MYPN: variants seen among roughly 807,000 people sequenced by gnomAD.
MYPN encodes myopalladin, also known as sarcomeric protein myopalladin, 145 kDa (MYOP).
Under a neutral mutation model 129.4 loss-of-function variants are expected in MYPN, and 63 were observed. The observed-to-expected ratio is 0.49, with a 90% CI of 0.40 to 0.60. MYPN has a LOEUF of 0.60. MYPN is among the 20% of genes least tolerant of loss of function. The pLI, the probability that MYPN is intolerant of heterozygous loss-of-function variation, is 0.00. For missense variants in MYPN, 1,596 were observed against 1,635.4 expected, an observed-to-expected ratio of 0.98 and a Z score of 0.42; for synonymous variants, 629 against 600.9, an observed-to-expected ratio of 1.05 and a Z score of -0.68.
At chr10:68,090,924 T>C (rs12777343) in intron 1 of MYPN, among the ~76,000 whole-genome samples, 1 of 152,116 alleles carries the variant, frequency 6.6e-6, no homozygotes, top group African/African-American at 2.4e-5. Context: ...ACGTAATATA[T>C]ATTTTTTCCC....
At chr10:68,115,363 C>G (rs1300811144) in intron 1 of MYPN, among the ~76,000 whole-genome samples, 2 of 152,050 alleles carry the variant, frequency 1.3e-5, no homozygotes, top group Non-Finnish European at 2.9e-5. Context: ...CCTGCCTCAT[C>G]CCAGCAAATG....
At chr10:68,147,603 C>A (rs2042689419) in intron 4 of MYPN, among the ~76,000 whole-genome samples, 1 of 152,204 alleles carries the variant, frequency 6.6e-6, no homozygotes, top group Admixed American at 6.5e-5. Context: ...AAGTTCTCTT[C>A]AAGTCCAGAG....
chr10:68,160,807 C>T (rs893500124), intron 7 of MYPN, among the ~76,000 whole-genome samples: 4 of 152,122 alleles, frequency 2.6e-5, no homozygotes, highest in African/African-American at 4.8e-5. Flanking sequence ...GTCCCAGCTA[C>T]GCAGGAGCCT....
intron 2 of MYPN, among the ~76,000 whole-genome samples, chr10:68,139,182 G>A (rs2042535041): frequency 6.6e-6 from 1 of 152,072 alleles, no homozygotes; most frequent in South Asian, 2.1e-4. Flanking sequence ...TGACCTAGTG[G>A]GGAGATCTAA....
chr10:68,097,160 T>C (rs1372166565), intron 1 of MYPN, among the ~76,000 whole-genome samples: 3 of 152,226 alleles, frequency 2.0e-5, no homozygotes, highest in Non-Finnish European at 4.4e-5. Flanking sequence ...TTTACCTCTA[T>C]GTTACCGGTG....
chr10:68,158,449 CT>C (rs1342788667), intron 6 of MYPN, 36 bp from the exon 7 acceptor site: 17 of 1,599,016 alleles, frequency 1.1e-5, no homozygotes, highest in Non-Finnish European at 1.4e-5. Flanking sequence ...AAAATGTGTA[CT>C]TTTTTGTTCT....
chr10:68,114,653 A>G (rs1484544513), intron 1 of MYPN, among the ~76,000 whole-genome samples: 1 of 151,734 alleles, frequency 6.6e-6, no homozygotes, highest in Non-Finnish European at 1.5e-5. Context: ...CCCACCATAA[A>G]CCTGACTCAA....
At chr10:68,169,668 C>T (rs944441288) in intron 10 of MYPN, among the ~76,000 whole-genome samples, 14 of 152,184 alleles carry the variant, frequency 9.2e-5, no homozygotes, top group African/African-American at 1.9e-4. Context: ...TGGTCCAAGA[C>T]GGCTGATGGT....
At chr10:68,202,172 C>T (rs2043727586) in intron 18 of MYPN, among the ~76,000 whole-genome samples, 178 bp downstream of exon 18, 1 of 152,186 alleles carries the variant, frequency 6.6e-6, no homozygotes, top group South Asian at 2.1e-4. Context: ...GTGGCTCATG[C>T]CTGTAATCCC....
At chr10:68,097,777 TAA>T (rs10588010) in intron 1 of MYPN, among the ~76,000 whole-genome samples, 39,413 of 149,402 alleles carry the variant, frequency 0.26, 6,963 homozygotes, top group East Asian at 0.64. Flanking sequence ...ATAGCTGATT[TAA>T]AAAAAAAAAA....
rs10823148 is a variant in MYPN, at chr10:68,166,577, C to G, written c.1884C>G (p.Phe628Leu). 0.48 allele frequency: 780,105 copies of G among 1,613,842 alleles called. 196,299 individuals are homozygous for G. The highest frequency in any genetic ancestry group is 0.52 in the Non-Finnish European group (616,745 of 1,179,908). Residue 628 changes from phenylalanine (F) to leucine (L), a missense_variant, in exon 10 of 20, where the codon TTC becomes TTG. Coordinates refer to ENST00000358913, the MANE Select transcript of MYPN (RefSeq NM_032578.4). ...CCAGACAGACCAGGCCCGATTCTTT[C>G]CAGGAGAGGTTCAACGGACAGGCAA... ...VTTRQTRPDS[F>L]QERFNGQATK...
chr10:68,107,544 T>C (rs1356997719), upstream of MYPN, among the ~76,000 whole-genome samples: 2 of 150,104 alleles, frequency 1.3e-5, no homozygotes, highest in Non-Finnish European at 3.0e-5. Flanking sequence ...AGAGATGGGG[T>C]TTCGCTACGT....
At chr10:68,122,422 T>C in intron 2 of MYPN, 82 bp downstream of exon 2, 2 of 1,460,402 alleles carry the variant, frequency 1.4e-6, no homozygotes, top group East Asian at 2.3e-5. Context: ...TTTAAGCACC[T>C]GGTTTACAAA....
At chr10:68,157,052 T>A (rs375840760) in intron 6 of MYPN, among the ~76,000 whole-genome samples, 1 of 152,196 alleles carries the variant, frequency 6.6e-6, no homozygotes, top group Non-Finnish European at 1.5e-5. Context: ...AATAAGAAAC[T>A]AGCTGTGAAA....
intron 12 of MYPN, among the ~76,000 whole-genome samples, chr10:68,188,494 G>A (rs1379042529): frequency 3.3e-5 from 5 of 151,920 alleles, no homozygotes; most frequent in African/African-American, 9.7e-5. Flanking sequence ...TGTGAAGATG[G>A]AAAAATCCAG....
intron 2 of MYPN, among the ~76,000 whole-genome samples, chr10:68,141,391 C>T (rs2042576858): frequency 6.6e-6 from 1 of 151,236 alleles, no homozygotes; most frequent in Admixed American, 6.6e-5. Context: ...AAGAATATTG[C>T]TGTATAAATG....
Position 68,203,712 on chromosome 10 carries a change from T to TACACAC in MYPN, c.3659+1722_3659+1727dup, listed in dbSNP as rs1204086269. On this transcript the variant is annotated intron_variant, in intron 18 of 19. Transcript: ENST00000358913. ...ACGCACACACACACACACACACACA[T>TACACAC]ACACACACAGAGAGAGAGAGAGAGA... Among the ~76,000 whole-genome samples, 16 of 138,014 alleles carry TACACAC rather than the reference T, an allele frequency of 1.2e-4. 1 individual carries two copies. Among genetic ancestry groups the TACACAC allele is most frequent in the Non-Finnish European group, 1.9e-4 (12 of 63,960 alleles). The allele number at this position is 138,014 out of a possible 152,430, so 90.5% of individuals were successfully genotyped here. A position where few individuals can be genotyped will look rare whatever the true frequency, so the allele number is the denominator to read the frequency against.
chr10:68,151,187 T>C (rs1221304771), intron 6 of MYPN, among the ~76,000 whole-genome samples: 1 of 152,216 alleles, frequency 6.6e-6, no homozygotes, highest in Non-Finnish European at 1.5e-5. Context: ...GTACTGATCC[T>C]TAAAGGAATA....
chr10:68,173,029 C>T (rs1386626104), intron 10 of MYPN, among the ~76,000 whole-genome samples: 1 of 152,002 alleles, frequency 6.6e-6, no homozygotes, highest in African/African-American at 2.4e-5. Context: ...GCCAAGATCG[C>T]ACTACTGCAC....
Sources: gnomAD v4.1 joint callset for allele counts (sites outside exome capture counted in the v4.1 genomes callset) on GRCh38, gnomAD v4.1.1 for gene constraint, MANE v1.5 for transcripts, NCBI Gene and HGNC (gene_info 2026-07-23, HGNC 2026-07-21) for gene names.